SPOCK3: variants seen among roughly 807,000 people sequenced by gnomAD.
SPOCK3 encodes SPARC (osteonectin), cwcv and kazal like domains proteoglycan 3, also known as testican-3.
SPOCK3 carries 30 observed loss-of-function variants against 56.6 expected under a neutral mutation model. The ratio of observed to expected loss-of-function variants is 0.53; its 90% CI spans 0.40 to 0.72. SPOCK3 has a LOEUF of 0.72. Among genes scored for constraint, SPOCK3 ranks in the 30% least tolerant of loss-of-function variants. SPOCK3 has a pLI of 0.00. For synonymous variants in SPOCK3, 196 were observed against 183.3 expected, an observed-to-expected ratio of 1.07 and a Z score of -0.56; for missense variants, 527 against 530.0, an observed-to-expected ratio of 0.99 and a Z score of 0.06.
chr4:166,993,081 C>T (rs1747974058), intron 4 of SPOCK3, among the ~76,000 whole-genome samples: 1 of 152,100 alleles, frequency 6.6e-6, no homozygotes, highest in South Asian at 2.1e-4. Context: ...GAAGTATACA[C>T]GGAGGCACAT....
intron 10 of SPOCK3, 123 bp from the exon 11 acceptor site, chr4:166,735,213 A>G: frequency 4.7e-6 from 3 of 638,784 alleles, no homozygotes; most frequent in South Asian, 4.6e-5. Context: ...TATCTTATTT[A>G]TCAAAGATAA....
Position 166,733,704 on chromosome 4 carries a change from C to G in SPOCK3, c.*1217G>C, listed in dbSNP as rs2126324509. On this transcript the variant is annotated 3_prime_UTR_variant, in exon 11 of 11. Coordinates refer to ENST00000357545, the MANE Select transcript of SPOCK3 (RefSeq NM_001040159.2). ...ATTAATTAACATGCTAACTTAAATA[C>G]AGCGGTTAAAGTAATTTTTGCTACA... 1 of 152,338 alleles carries G rather than the reference C, an allele frequency of 6.6e-6. No homozygotes were observed. Among genetic ancestry groups the G allele is most frequent in the Non-Finnish European group, 1.5e-5 (1 of 67,746 alleles). 9.4% of individuals were successfully genotyped at this position (152,338 alleles called of 1,614,324 possible).
At chr4:166,901,920 C>T (rs1579589702) in intron 5 of SPOCK3, among the ~76,000 whole-genome samples, 2 of 152,150 alleles carry the variant, frequency 1.3e-5, no homozygotes, top group Middle Eastern at 6.8e-3. Context: ...TTGGTTCAAA[C>T]ACCTGTTGAT....
intron 2 of SPOCK3, among the ~76,000 whole-genome samples, chr4:167,072,331 C>T (rs35563250): frequency 0.025 from 3,837 of 152,030 alleles, 80 homozygotes; most frequent in Middle Eastern, 0.061. Context: ...ATTAGCCACA[C>T]CCCTTTTTTT....
At chr4:167,187,016 A>G (rs928662368) in intron 2 of SPOCK3, among the ~76,000 whole-genome samples, 1 of 151,560 alleles carries the variant, frequency 6.6e-6, no homozygotes, top group African/African-American at 2.4e-5. Flanking sequence ...TCCACTTGCT[A>G]TATAAGATAT....
chr4:166,843,413 T>C (rs1211836136), intron 6 of SPOCK3, among the ~76,000 whole-genome samples: 2 of 152,248 alleles, frequency 1.3e-5, no homozygotes, highest in Non-Finnish European at 2.9e-5. Flanking sequence ...TCTAATCAGC[T>C]GACTGTGAGT....
At chr4:166,875,960 C>G (rs1185026408) in intron 6 of SPOCK3, among the ~76,000 whole-genome samples, 8 of 122,924 alleles carry the variant, frequency 6.5e-5, no homozygotes, top group Non-Finnish European at 1.7e-5. Context: ...CCCATTGCCC[C>G]CTCAAGTCAC....
chr4:167,057,407 T>G (rs570792357), intron 3 of SPOCK3, among the ~76,000 whole-genome samples: 1,667 of 152,226 alleles, frequency 0.011, 28 homozygotes, highest in African/African-American at 0.038. Flanking sequence ...GCTAACTTCA[T>G]AATGACAGGA....
chr4:166,778,995 C>CA (rs1420728785), intron 7 of SPOCK3, among the ~76,000 whole-genome samples: 2 of 151,928 alleles, frequency 1.3e-5, no homozygotes, highest in African/African-American at 2.4e-5. Context: ...AAATTATCAC[C>CA]AAAAACCACC....
At chr4:167,008,976 C>A (rs1029747986) in intron 3 of SPOCK3, among the ~76,000 whole-genome samples, 3 of 151,964 alleles carry the variant, frequency 2.0e-5, no homozygotes, top group Non-Finnish European at 4.4e-5. Context: ...TGCACATGTA[C>A]CCCCAGAATC....
At chr4:167,113,291 C>T (rs1054933523) in intron 2 of SPOCK3, among the ~76,000 whole-genome samples, 2 of 152,034 alleles carry the variant, frequency 1.3e-5, no homozygotes, top group Non-Finnish European at 2.9e-5. Flanking sequence ...AGTAACCTAA[C>T]ATTTTGCTTT....
At chr4:166,953,873 G>A (rs1040605749) in intron 4 of SPOCK3, among the ~76,000 whole-genome samples, 1 of 152,074 alleles carries the variant, frequency 6.6e-6, no homozygotes, top group African/African-American at 2.4e-5. Flanking sequence ...CTCACAGGTG[G>A]GAATTGAACA....
chr4:166,838,646 T>G (rs140173140), intron 6 of SPOCK3, among the ~76,000 whole-genome samples: 40 of 148,780 alleles, frequency 2.7e-4, no homozygotes, highest in Non-Finnish European at 4.1e-4. Flanking sequence ...ATCTTTATCA[T>G]TGCTACATTA....
chr4:166,981,967 G>T (rs1343785099), intron 4 of SPOCK3, among the ~76,000 whole-genome samples: 1 of 152,328 alleles, frequency 6.6e-6, no homozygotes, highest in East Asian at 1.9e-4. Flanking sequence ...AGTTCGGAGA[G>T]GGCAGGAAGT....
chr4:166,788,285 T>C (rs1447710034), intron 7 of SPOCK3, among the ~76,000 whole-genome samples: 1 of 152,132 alleles, frequency 6.6e-6, no homozygotes, highest in Non-Finnish European at 1.5e-5. Context: ...AGTAATTATG[T>C]TTTTCAATAA....
intron 2 of SPOCK3, among the ~76,000 whole-genome samples, chr4:167,198,889 A>G (rs995108527): frequency 3.5e-4 from 54 of 152,258 alleles, no homozygotes; most frequent in African/African-American, 1.3e-3. Context: ...CCTATAATAT[A>G]TGATTCTTAA....
intron 2 of SPOCK3, among the ~76,000 whole-genome samples, chr4:167,103,792 G>GA (rs1759859831): frequency 6.6e-6 from 1 of 152,162 alleles, no homozygotes; most frequent in Admixed American, 6.5e-5. Context: ...GTGAGACTCA[G>GA]TGCTGTGCTA....
At chr4:167,022,001 T>C (rs7685624) in intron 3 of SPOCK3, among the ~76,000 whole-genome samples, 49,064 of 151,896 alleles carry the variant, frequency 0.32, 8,996 homozygotes, top group African/African-American at 0.5. Context: ...TGTGAGAGAA[T>C]AGAAGATAAA....
intron 2 of SPOCK3, among the ~76,000 whole-genome samples, chr4:167,072,291 C>G (rs995469175): frequency 6.6e-6 from 1 of 152,062 alleles, no homozygotes; most frequent in African/African-American, 2.4e-5. Flanking sequence ...ATGGGCCAGG[C>G]CCACAAGTTG....
Sources: gnomAD v4.1 joint callset for allele counts (sites outside exome capture counted in the v4.1 genomes callset) on GRCh38, gnomAD v4.1.1 for gene constraint, MANE v1.5 for transcripts, NCBI Gene and HGNC (gene_info 2026-07-23, HGNC 2026-07-21) for gene names.